SLC25A13: variants seen among roughly 807,000 people sequenced by gnomAD.
SLC25A13 encodes the protein electrogenic aspartate/glutamate antiporter SLC25A13, mitochondrial.
Under a neutral mutation model 85.5 loss-of-function variants are expected in SLC25A13, and 70 were observed. The ratio of observed to expected loss-of-function variants is 0.82; its 90% CI spans 0.68 to 1.00. The LOEUF (loss-of-function observed/expected upper bound fraction) is 1.00. Among genes scored for constraint, SLC25A13 ranks in the 50% least tolerant of loss-of-function variants. The pLI, the probability that SLC25A13 is intolerant of heterozygous loss-of-function variation, is 0.00. For synonymous variants in SLC25A13, 259 were observed against 288.7 expected (o/e 0.90, Z 1.04); for missense variants, 765 against 819.8 (o/e 0.93, Z 0.82).
At chr7:96,217,233 T>A (rs972472571) in intron 4 of SLC25A13, among the ~76,000 whole-genome samples, 4 of 152,178 alleles carry the variant, frequency 2.6e-5, no homozygotes, top group African/African-American at 9.7e-5. Flanking sequence ...TAAGAAGTGT[T>A]GGTGAGGATG....
At chr7:96,321,740 G>A (rs1034885661) in intron 1 of SLC25A13, among the ~76,000 whole-genome samples, 1 of 152,172 alleles carries the variant, frequency 6.6e-6, no homozygotes, top group African/African-American at 2.4e-5. Context: ...CTGCGAGGTC[G>A]GGCCTCGGTC....
intron 11 of SLC25A13, among the ~76,000 whole-genome samples, chr7:96,172,285 C>T (rs535475736): frequency 3.9e-5 from 6 of 152,228 alleles, no homozygotes; most frequent in South Asian, 4.1e-4. Flanking sequence ...AGGCCAGGCA[C>T]GGTGGCTTAT....
At chr7:96,163,352 G>T (rs919969798) in intron 13 of SLC25A13, among the ~76,000 whole-genome samples, 1 of 152,148 alleles carries the variant, frequency 6.6e-6, no homozygotes, top group African/African-American at 2.4e-5. Flanking sequence ...AGCCCCAGCT[G>T]TTCAGTTACA....
At chr7:96,121,463 T>C (rs1478183165) in intron 17 of SLC25A13, 86 bp from the exon 18 acceptor site, 11 of 1,522,782 alleles carry the variant, frequency 7.2e-6, no homozygotes, top group Non-Finnish European at 1.0e-5. Context: ...TGTTCAAATA[T>C]TTAATGTAAA....
At chr7:96,146,482 A>T in intron 14 of SLC25A13, 74 bp downstream of exon 14, 1 of 1,567,300 alleles carries the variant, frequency 6.4e-7, no homozygotes, top group South Asian at 1.2e-5. Flanking sequence ...AATGGATTTC[A>T]TGTTGAAGAA....
At chr7:96,289,459 C>T (rs1002020557) in intron 2 of SLC25A13, among the ~76,000 whole-genome samples, 16 of 152,176 alleles carry the variant, frequency 1.1e-4, no homozygotes, top group African/African-American at 3.1e-4. Flanking sequence ...CAAACTTCTC[C>T]GAGCTAAAGG....
intron 3 of SLC25A13, among the ~76,000 whole-genome samples, chr7:96,263,627 G>A (rs1240314593): frequency 6.6e-6 from 1 of 151,892 alleles, no homozygotes; most frequent in Non-Finnish European, 1.5e-5. Context: ...AATAACCCTG[G>A]ATTCCCCTCT....
intron 2 of SLC25A13, among the ~76,000 whole-genome samples, chr7:96,296,498 C>A (rs1240123386): frequency 7.5e-6 from 1 of 132,832 alleles, no homozygotes; most frequent in East Asian, 2.2e-4. Context: ...TTTTTTTTTT[C>A]TTGAGACAGT....
intron 3 of SLC25A13, among the ~76,000 whole-genome samples, chr7:96,253,029 G>C (rs1387317923): frequency 6.6e-6 from 1 of 152,174 alleles, no homozygotes. Context: ...GGGAGGCGGA[G>C]GTTGCAGTGA....
At chr7:96,174,825 A>G (rs969836154) in intron 11 of SLC25A13, among the ~76,000 whole-genome samples, 9 of 152,220 alleles carry the variant, frequency 5.9e-5, no homozygotes, top group African/African-American at 2.2e-4. Context: ...TTAGTAATGC[A>G]TTGTGAACGG....
At chr7:96,165,910 T>C (rs1279160817) in intron 13 of SLC25A13, among the ~76,000 whole-genome samples, 1 of 152,228 alleles carries the variant, frequency 6.6e-6, no homozygotes, top group Non-Finnish European at 1.5e-5. Context: ...ATGTAATGTA[T>C]GAGATGAGTA....
At chr7:96,254,848 GAAGA>G (rs1356763285) in intron 3 of SLC25A13, among the ~76,000 whole-genome samples, 2 of 152,152 alleles carry the variant, frequency 1.3e-5, no homozygotes, top group African/African-American at 4.8e-5. Flanking sequence ...AAAAAGGAAG[GAAGA>G]GTCAGGGTGA....
intron 5 of SLC25A13, among the ~76,000 whole-genome samples, chr7:96,197,017 C>T (rs1322974591): frequency 2.0e-5 from 3 of 152,148 alleles, no homozygotes; most frequent in African/African-American, 7.2e-5. Context: ...TTATTAACCT[C>T]ACTATAGCAG....
At chr7:96,320,641 G>A (rs751406457) in intron 1 of SLC25A13, among the ~76,000 whole-genome samples, 2 of 152,144 alleles carry the variant, frequency 1.3e-5, no homozygotes, top group Non-Finnish European at 2.9e-5. Context: ...ACGCACACCT[G>A]TGTGTTCATA....
At chr7:96,137,487 C>T (rs2116449550) in intron 14 of SLC25A13, among the ~76,000 whole-genome samples, 1 of 152,256 alleles carries the variant, frequency 6.6e-6, no homozygotes, top group East Asian at 1.9e-4. Flanking sequence ...GTATTGTACA[C>T]TGCTTTGCCA....
chr7:96,204,395 C>A (rs1489399244), intron 5 of SLC25A13, among the ~76,000 whole-genome samples: 1 of 152,118 alleles, frequency 6.6e-6, no homozygotes, highest in African/African-American at 2.4e-5. Context: ...GCAAAGCAGG[C>A]TGGGCACGGT....
chr7:96,307,997 C>T (rs530496036), intron 1 of SLC25A13, among the ~76,000 whole-genome samples: 2 of 151,960 alleles, frequency 1.3e-5, no homozygotes, highest in Admixed American at 1.3e-4. Context: ...ACTAAAAATA[C>T]AAAAATTTAG....
chr7:96,134,793 T>TTACATATATATATATATATATATA (rs1792193503), intron 14 of SLC25A13, among the ~76,000 whole-genome samples: 2 of 102,250 alleles, frequency 2.0e-5, no homozygotes, highest in African/African-American at 8.2e-5. Context: ...ACAAACAATT[T>TTACATATATATATATATATATATA]TATATATATA....
At chr7:96,122,315 G>A (rs994496567) in intron 15 of SLC25A13, among the ~76,000 whole-genome samples, 6 of 152,172 alleles carry the variant, frequency 3.9e-5, no homozygotes, top group Admixed American at 1.3e-4. Flanking sequence ...TTGAGAATAA[G>A]TGGAGAAAGC....
Sources: gnomAD v4.1 joint callset for allele counts (sites outside exome capture counted in the v4.1 genomes callset) on GRCh38, gnomAD v4.1.1 for gene constraint, MANE v1.5 for transcripts, NCBI Gene and HGNC (gene_info 2026-07-23, HGNC 2026-07-21) for gene names.